Variants in FGD6 observed in about 807,000 individuals in gnomAD.
FGD6 encodes FYVE, RhoGEF and PH domain-containing protein 6.
Under a neutral mutation model 149.4 loss-of-function variants are expected in FGD6, and 90 were observed. The ratio of observed to expected loss-of-function variants is 0.60; its 90% CI spans 0.51 to 0.72. The LOEUF (loss-of-function observed/expected upper bound fraction) is 0.72, where lower values mean the gene tolerates loss of function less well. Among genes scored for constraint, FGD6 ranks in the 30% least tolerant of loss-of-function variants. The pLI is 0.00. For synonymous variants in FGD6, 527 were observed against 584.0 expected, an observed-to-expected ratio of 0.90 and a Z score of 1.41; for missense variants, 1,437 against 1,684.8, an observed-to-expected ratio of 0.85 and a Z score of 2.57.
chr12:95,159,065 T>C (rs2136276597), intron 3 of FGD6, among the ~76,000 whole-genome samples: 1 of 152,300 alleles, frequency 6.6e-6, no homozygotes, highest in African/African-American at 2.4e-5. Context: ...TGGAAGCATT[T>C]GACTACTGGA....
At chr12:95,212,003 C>T (rs748602005) in intron 1 of FGD6, among the ~76,000 whole-genome samples, 6 of 151,968 alleles carry the variant, frequency 3.9e-5, no homozygotes, top group Non-Finnish European at 7.4e-5. Flanking sequence ...CTGTCTACCT[C>T]GATAGATAGA....
intron 6 of FGD6, among the ~76,000 whole-genome samples, chr12:95,139,500 A>G (rs1052191516): frequency 5.3e-5 from 8 of 151,820 alleles, no homozygotes; most frequent in Non-Finnish European, 7.4e-5. Context: ...AAGAAAAAAA[A>G]AAAGATTTGT....
chr12:95,156,655 C>A (rs1449702842), intron 3 of FGD6, among the ~76,000 whole-genome samples: 1 of 152,092 alleles, frequency 6.6e-6, no homozygotes, highest in Non-Finnish European at 1.5e-5. Context: ...GTGACCCACA[C>A]CCTATTTGTA....
intron 2 of FGD6, among the ~76,000 whole-genome samples, chr12:95,201,438 T>C (rs1170234824): frequency 3.7e-4 from 57 of 152,224 alleles, no homozygotes; most frequent in Admixed American, 3.6e-3. Context: ...ATCACATTTT[T>C]CATATATTAG....
intron 8 of FGD6, among the ~76,000 whole-genome samples, chr12:95,119,812 C>T (rs930452669): frequency 3.3e-5 from 5 of 152,098 alleles, no homozygotes; most frequent in African/African-American, 4.8e-5. Context: ...CCCAGCTACT[C>T]GGGAGGTGGA....
chr12:95,210,117 T>G lies in FGD6; in HGVS notation c.1167A>C (p.Glu389Asp). Residue 389 changes from glutamate to aspartate, a missense_variant, in exon 2 of 21, where the codon GAA (glutamate) becomes GAC (aspartate). Transcript: ENST00000343958. Reference sequence around the variant, plus strand: ...CTAAGTCCTGTGCATCACTGTTGGATTCCATATTCAATTCACTTTTATTTC... The same window carrying G: ...CTAAGTCCTGTGCATCACTGTTGGAGTCCATATTCAATTCACTTTTATTTC... ...KLGNKSELNM[E>D]SNSDAQDLVN... 5 of 1,614,148 alleles carry G rather than the reference T, an allele frequency of 3.1e-6. No homozygotes were observed. The highest frequency in any genetic ancestry group is 4.2e-6 in the Non-Finnish European group (5 of 1,180,018).
Position 95,209,208 on chromosome 12 carries a change from G to A in FGD6, c.2076C>T (p.Ser692=), listed in dbSNP as rs1592878878. 6.2e-7 allele frequency: 1 copy of A among 1,614,002 alleles called. No homozygotes were observed. The highest frequency in any genetic ancestry group is 2.2e-5 in the East Asian group (1 of 44,876). ...GAGATTCCAGGCTATAGTTTTCTGT[G>A]GAATATGCCTTGATGGGTTTACTTC... The part of the protein sequence containing the change: ...EKRSKPIKAY[S]TENYSLESQK... The change falls in exon 2 of 21, where the codon TCC becomes TCT. Residue 692 remains serine, a synonymous_variant. Transcript: ENST00000343958.
In FGD6 at chr12:95,209,546, G is replaced by C; in HGVS notation, c.1738C>G (p.Pro580Ala). 6.2e-7 allele frequency: 1 copy of C among 1,614,044 alleles called. No homozygotes were observed. Among genetic ancestry groups the C allele is most frequent in the Non-Finnish European group, 8.5e-7 (1 of 1,180,022 alleles). Reference sequence around the variant, plus strand: ...ACGGTGACAGACTTTAAGAATTCTGGGTTCCCTGAAAAGGGTAAAATAGGA... The same window carrying C: ...ACGGTGACAGACTTTAAGAATTCTGCGTTCCCTGAAAAGGGTAAAATAGGA... ...PHPILPFSGN[P>A]EFLKSVTVSS... Residue 580 changes from proline (P) to alanine (A), a missense_variant, in exon 2 of 21, where the codon CCA becomes GCA. Coordinates refer to ENST00000343958, the MANE Select transcript of FGD6 (RefSeq NM_018351.4).
intron 8 of FGD6, among the ~76,000 whole-genome samples, chr12:95,124,850 T>C (rs1233634659): frequency 6.6e-6 from 1 of 152,172 alleles, no homozygotes; most frequent in Non-Finnish European, 1.5e-5. Context: ...TTATAGCATA[T>C]TACAGTTGTG....
chr12:95,141,262 A>G (rs1212652306), intron 6 of FGD6, 126 bp downstream of exon 6: 1 of 988,506 alleles, frequency 1.0e-6, no homozygotes, highest in Non-Finnish European at 1.5e-6. Flanking sequence ...ATCTATGGAT[A>G]ACTGCAAAGA....
At chr12:95,096,299 C>A (rs1878228582) in intron 14 of FGD6, among the ~76,000 whole-genome samples, 1 of 152,140 alleles carries the variant, frequency 6.6e-6, no homozygotes. Flanking sequence ...CACTCACCTT[C>A]CCTACAATCA....
Position 95,211,090 on chromosome 12 carries a change from C to G in FGD6, c.194G>C (p.Arg65Pro), listed in dbSNP as rs1490797029. Residue 65 changes from arginine to proline, a missense_variant, in exon 2 of 21, where the codon CGA becomes CCA. Around this residue, in one of 2 missense-constraint regions of FGD6, gnomAD observed 1,055 missense variants for 1,146.0 expected, o/e 0.92. Coordinates refer to ENST00000343958, the MANE Select transcript of FGD6 (RefSeq NM_018351.4). ...CCTTGATGGCGACTGCCCAATCTCT[C>G]GAACAGGTGAGGTCTTCAGGACTTT... is the stretch of plus-strand genomic sequence containing the variant. ...KPKVLKTSPV[R>P]EIGQSPSRKI... The G allele has an allele frequency of 6.2e-7, 1 of 1,614,178 alleles. No individual in the cohort carries two copies. The highest frequency in any genetic ancestry group is 8.5e-7 in the Non-Finnish European group (1 of 1,180,040).
At chr12:95,149,562 T>C (rs1484032882) in intron 5 of FGD6, among the ~76,000 whole-genome samples, 1 of 140,166 alleles carries the variant, frequency 7.1e-6, no homozygotes, top group Non-Finnish European at 1.5e-5. Context: ...TAGTATAATA[T>C]GTATAAGAAT....
chr12:95,140,114 T>C (rs928970024), intron 6 of FGD6, among the ~76,000 whole-genome samples: 3 of 152,194 alleles, frequency 2.0e-5, no homozygotes, highest in Admixed American at 6.5e-5. Context: ...TAAAGAAAGC[T>C]TAGAGAAATT....
intron 6 of FGD6, among the ~76,000 whole-genome samples, chr12:95,139,372 T>C (rs1879774826): frequency 6.7e-6 from 1 of 150,340 alleles, no homozygotes. Flanking sequence ...CCTAGGGAAG[T>C]CAAGGCTGCA....
intron 3 of FGD6, among the ~76,000 whole-genome samples, chr12:95,155,174 G>T (rs1237454851): frequency 6.6e-6 from 1 of 152,132 alleles, no homozygotes; most frequent in Non-Finnish European, 1.5e-5. Context: ...ATGTTCAAGT[G>T]AATAAATGAG....
chr12:95,197,934 T>C (rs763087863), intron 2 of FGD6, among the ~76,000 whole-genome samples: 6 of 152,200 alleles, frequency 3.9e-5, no homozygotes, highest in Non-Finnish European at 7.3e-5. Flanking sequence ...GAAACACCTA[T>C]TACCTAACCA....
chr12:95,178,312 AG>A (rs1376059525), intron 2 of FGD6, among the ~76,000 whole-genome samples: 1 of 152,176 alleles, frequency 6.6e-6, no homozygotes, highest in African/African-American at 2.4e-5. Context: ...AATTATTTTA[AG>A]TATGTGCAGA....
At chr12:95,212,752 T>C (rs1284756761) in intron 1 of FGD6, among the ~76,000 whole-genome samples, 1 of 152,154 alleles carries the variant, frequency 6.6e-6, no homozygotes, top group Non-Finnish European at 1.5e-5. Context: ...GACTTACTTT[T>C]GAACAAAGGA....
Sources: allele counts gnomAD v4.1 joint callset (sites outside exome capture counted in the v4.1 genomes callset), GRCh38; gene constraint gnomAD v4.1.1; regional missense constraint gnomAD v4.1.1; transcripts MANE v1.5; gene names NCBI Gene and HGNC (gene_info 2026-07-23, HGNC 2026-07-21).